BMAL1: variants seen among roughly 807,000 people sequenced by gnomAD.
The protein encoded by BMAL1 is basic helix-loop-helix ARNT like 1.
chr11:13,298,920 C>T, the BMAL1 span, among the ~76,000 whole-genome samples: 2 of 152,216 alleles, frequency 1.3e-5, no homozygotes, highest in South Asian at 4.1e-4. Context: ...ACACTTTTTC[C>T]TGTTCCAATT....
chr11:13,386,998 T>C, the BMAL1 span: 7 of 386,312 alleles, frequency 1.8e-5, no homozygotes, highest in Non-Finnish European at 3.2e-5. Flanking sequence ...TAGCTTGCAT[T>C]AATTGTATAT....
chr11:13,339,578 T>C, the BMAL1 span, among the ~76,000 whole-genome samples: 8 of 152,142 alleles, frequency 5.3e-5, no homozygotes, highest in African/African-American at 1.7e-4. Context: ...CACCTGGCCC[T>C]CTGACTGCAC....
the BMAL1 span, among the ~76,000 whole-genome samples, chr11:13,369,187 A>G: frequency 1.3e-5 from 2 of 152,174 alleles, no homozygotes; most frequent in Non-Finnish European, 2.9e-5. Context: ...CAATATCCAT[A>G]TCCTACCCAT....
the BMAL1 span, among the ~76,000 whole-genome samples, chr11:13,331,348 A>G: frequency 2.6e-5 from 4 of 152,360 alleles, no homozygotes; most frequent in East Asian, 7.7e-4. Context: ...TAGAGATGCT[A>G]TGAAGTTTTC....
chr11:13,314,638 C>T, the BMAL1 span, among the ~76,000 whole-genome samples: 123 of 152,272 alleles, frequency 8.1e-4, 1 homozygote, highest in African/African-American at 2.5e-3. Context: ...TCAAGGAATT[C>T]TCAGGAATGA....
chr11:13,358,146 AGAAAC>A, the BMAL1 span, among the ~76,000 whole-genome samples: 1 of 152,358 alleles, frequency 6.6e-6, no homozygotes, highest in East Asian at 1.9e-4. Flanking sequence ...TGAGAGGAAA[AGAAAC>A]GAGGAGAAAT....
chr11:13,370,192 T>C, the BMAL1 span, among the ~76,000 whole-genome samples: 5 of 152,136 alleles, frequency 3.3e-5, no homozygotes, highest in Admixed American at 6.5e-5. Flanking sequence ...CACATTCTTC[T>C]TCCTCCTCCC....
At chr11:13,276,662 A>T in the BMAL1 span, 23 of 152,018 alleles carry the variant, frequency 1.5e-4, no homozygotes, top group African/African-American at 5.6e-4. Flanking sequence ...ACCCTACCCC[A>T]GCAGGCGCTA....
the BMAL1 span, among the ~76,000 whole-genome samples, chr11:13,311,586 G>C: frequency 6.6e-6 from 1 of 152,198 alleles, no homozygotes; most frequent in African/African-American, 2.4e-5. Flanking sequence ...AGAAGGTTTG[G>C]GTAGTAAAAG....
chr11:13,381,053 G>A, the BMAL1 span: 1 of 1,135,300 alleles, frequency 8.8e-7, no homozygotes, highest in Non-Finnish European at 1.3e-6. Context: ...GAAAAAGCTT[G>A]CCAAACCCTA....
At chr11:13,372,515 GAAAGAA>G in the BMAL1 span, 1 of 1,509,346 alleles carries the variant, frequency 6.6e-7, no homozygotes, top group Non-Finnish European at 8.9e-7. Context: ...TAAGAATGAA[GAAAGAA>G]AGAAAAAGCT....
At chr11:13,312,074 A>G in the BMAL1 span, among the ~76,000 whole-genome samples, 1 of 152,184 alleles carries the variant, frequency 6.6e-6, no homozygotes, top group Non-Finnish European at 1.5e-5. Context: ...GTGTGAATAT[A>G]GCAGTTAGAG....
At chr11:13,352,609 A>T in the BMAL1 span, among the ~76,000 whole-genome samples, 1 of 152,170 alleles carries the variant, frequency 6.6e-6, no homozygotes, top group Non-Finnish European at 1.5e-5. Context: ...TCCCGTTTTG[A>T]CCTGTCAGTC....
chr11:13,386,487 C>G, the BMAL1 span: 4 of 1,190,182 alleles, frequency 3.4e-6, no homozygotes, highest in Non-Finnish European at 4.6e-6. Context: ...GCATCTCACC[C>G]TACCATTAAA....
chr11:13,379,883 G>GCTTCC, the BMAL1 span: 1 of 152,220 alleles, frequency 6.6e-6, no homozygotes, highest in Non-Finnish European at 1.5e-5. Context: ...CAGTTTGGAA[G>GCTTCC]AAACCTGTAA....
At chr11:13,357,183 G>A in the BMAL1 span, 2 of 1,569,846 alleles carry the variant, frequency 1.3e-6, no homozygotes, top group Non-Finnish European at 1.7e-6. This position sits in a 1 kb window ranked among gnomAD's most constrained non-coding sequence, Gnocchi z 4.8. Context: ...GTTTGGTCCT[G>A]TCTAAGAGTT....
the BMAL1 span, chr11:13,380,686 G>A: frequency 7.0e-5 from 11 of 157,440 alleles, no homozygotes; most frequent in Non-Finnish European, 1.4e-4. Flanking sequence ...TGTTTGTGGA[G>A]AAGGGGACAA....
the BMAL1 span, among the ~76,000 whole-genome samples, chr11:13,314,651 T>A: frequency 6.6e-6 from 1 of 152,192 alleles, no homozygotes; most frequent in African/African-American, 2.4e-5. Flanking sequence ...AGGAATGAGG[T>A]CCACCCACCT....
chr11:13,279,158 C>T, the BMAL1 span, among the ~76,000 whole-genome samples: 18 of 152,360 alleles, frequency 1.2e-4, no homozygotes, highest in African/African-American at 3.4e-4. Context: ...CGCTTGCGGT[C>T]TCTTCCTTCT....
Sources: gnomAD v4.1 joint callset for allele counts (sites outside exome capture counted in the v4.1 genomes callset) on GRCh38, gnomAD v4.1.1 for gene constraint, Gnocchi (gnomAD v3.1) non-coding constraint, MANE v1.5 for transcripts, NCBI Gene and HGNC (gene_info 2026-07-23, HGNC 2026-07-21) for gene names.